ERC2: variants seen among roughly 807,000 people sequenced by gnomAD.
The protein encoded by ERC2 is ELKS/RAB6-interacting/CAST family member 2, also known as ERC protein 2.
In ERC2, 42 loss-of-function variants were observed where a neutral mutation model predicts 114.8. The observed-to-expected ratio is 0.37, with a 90% CI of 0.29 to 0.47. ERC2 has a LOEUF of 0.47. ERC2 is among the 20% of genes least tolerant of loss of function. The pLI, the probability that ERC2 is intolerant of heterozygous loss-of-function variation, is 0.99. For missense variants in ERC2, 939 were observed against 1,150.7 expected (o/e 0.82, Z 2.66); for synonymous variants, 454 against 425.5 (o/e 1.07, Z -0.82).
intron 2 of ERC2, among the ~76,000 whole-genome samples, chr3:56,311,275 A>G (rs561290546): frequency 8.2e-6 from 1 of 121,718 alleles, no homozygotes; most frequent in Non-Finnish European, 1.8e-5. Flanking sequence ...ATATATATAT[A>G]TATATATATA....
intron 17 of ERC2, among the ~76,000 whole-genome samples, chr3:55,636,500 T>A (rs753221783): frequency 9.2e-5 from 14 of 152,190 alleles, no homozygotes; most frequent in Non-Finnish European, 2.1e-4. Context: ...GCACAGTGCA[T>A]AGAGCACCTT....
At chr3:56,180,121 C>T (rs552500782) in intron 3 of ERC2, among the ~76,000 whole-genome samples, 14 of 152,192 alleles carry the variant, frequency 9.2e-5, no homozygotes, top group African/African-American at 2.6e-4. Context: ...ATAATGAGAG[C>T]GTGGCCATCA....
intron 14 of ERC2, among the ~76,000 whole-genome samples, chr3:55,823,955 T>G (rs1156617193): frequency 6.6e-6 from 1 of 152,150 alleles, no homozygotes; most frequent in Non-Finnish European, 1.5e-5. Context: ...GTCGGCAGAT[T>G]CAGTTTCTCC....
chr3:56,404,222 AATTAAT>A (rs533721677), intron 2 of ERC2, among the ~76,000 whole-genome samples: 11 of 152,342 alleles, frequency 7.2e-5, no homozygotes, highest in African/African-American at 1.9e-4. Context: ...TTTGTAAATC[AATTAAT>A]ATTATTTTTA....
At chr3:56,225,265 A>G (rs562675200) in intron 3 of ERC2, among the ~76,000 whole-genome samples, 44 of 152,296 alleles carry the variant, frequency 2.9e-4, no homozygotes, top group Admixed American at 1.6e-3. Flanking sequence ...GGAAAAAAGC[A>G]TTATCTGACA....
intron 15 of ERC2, among the ~76,000 whole-genome samples, chr3:55,713,126 CTG>C (rs1353558596): frequency 0.029 from 3,260 of 110,890 alleles, 64 homozygotes; most frequent in African/African-American, 0.093. Context: ...CTCTCTCTCT[CTG>C]TCTCACACAC....
intron 17 of ERC2, among the ~76,000 whole-genome samples, chr3:55,555,919 A>G (rs1172531648): frequency 2.0e-5 from 3 of 152,210 alleles, no homozygotes; most frequent in Non-Finnish European, 4.4e-5. Context: ...CAATAATTCC[A>G]AAGTGACTGT....
chr3:56,439,160 G>T (rs902389614), intron 1 of ERC2, among the ~76,000 whole-genome samples: 5 of 152,162 alleles, frequency 3.3e-5, no homozygotes, highest in Non-Finnish European at 7.3e-5. Context: ...AACTGAATGG[G>T]CTTGGCAGGG....
intron 15 of ERC2, among the ~76,000 whole-genome samples, chr3:55,719,845 A>G (rs1441827662): frequency 2.6e-5 from 4 of 152,076 alleles, no homozygotes; most frequent in Non-Finnish European, 5.9e-5. Context: ...CAGACCCCCC[A>G]GAAGCCTAGA....
chr3:56,111,755 C>A (rs2078975805), intron 6 of ERC2, among the ~76,000 whole-genome samples: 1 of 152,212 alleles, frequency 6.6e-6, no homozygotes, highest in South Asian at 2.1e-4. Flanking sequence ...CACAGCTCCA[C>A]AAGAAAAGCC....
intron 3 of ERC2, among the ~76,000 whole-genome samples, chr3:56,197,510 A>C (rs930558113): frequency 6.6e-6 from 1 of 152,208 alleles, no homozygotes; most frequent in Non-Finnish European, 1.5e-5. Context: ...TATCCAGGAA[A>C]TATAGTCCAG....
chr3:56,307,383 G>A (rs1221990947), intron 2 of ERC2, among the ~76,000 whole-genome samples: 1 of 152,088 alleles, frequency 6.6e-6, no homozygotes, highest in Non-Finnish European at 1.5e-5. Flanking sequence ...AGGGAGGAAA[G>A]TATGGGTTTT....
At chr3:55,623,693 G>A (rs545757074) in intron 17 of ERC2, among the ~76,000 whole-genome samples, 53 of 152,162 alleles carry the variant, frequency 3.5e-4, no homozygotes, top group Non-Finnish European at 5.7e-4. Context: ...CCCCTGCTCT[G>A]TTTAAAATAG....
At chr3:55,700,517 A>G (rs1329434960) in intron 15 of ERC2, among the ~76,000 whole-genome samples, 1 of 152,200 alleles carries the variant, frequency 6.6e-6, no homozygotes, top group Non-Finnish European at 1.5e-5. Flanking sequence ...GATACGATGG[A>G]CTTCAAGTGT....
intron 8 of ERC2, among the ~76,000 whole-genome samples, chr3:56,011,472 A>T (rs919779800): frequency 3.9e-5 from 6 of 152,228 alleles, no homozygotes; most frequent in Non-Finnish European, 7.4e-5. Context: ...CCATGAGACC[A>T]CACTGCCACA....
At chr3:56,326,059 C>T (rs1049374729) in intron 2 of ERC2, among the ~76,000 whole-genome samples, 13 of 152,206 alleles carry the variant, frequency 8.5e-5, no homozygotes, top group African/African-American at 2.4e-4. Flanking sequence ...CTTCTTCTAG[C>T]GGCTAAATGA....
chr3:55,593,671 G>A (rs2058006725), intron 17 of ERC2, among the ~76,000 whole-genome samples: 1 of 152,080 alleles, frequency 6.6e-6, no homozygotes, highest in Non-Finnish European at 1.5e-5. Flanking sequence ...TGGTGGTGGG[G>A]CAGGTACTTT....
intron 2 of ERC2, among the ~76,000 whole-genome samples, chr3:56,337,898 T>A (rs2057922545): frequency 6.6e-6 from 1 of 152,230 alleles, no homozygotes; most frequent in African/African-American, 2.4e-5. Flanking sequence ...TGATGGTATA[T>A]TTATATGATA....
intron 7 of ERC2, among the ~76,000 whole-genome samples, chr3:56,057,538 C>T (rs2076068003): frequency 6.6e-6 from 1 of 152,158 alleles, no homozygotes; most frequent in African/African-American, 2.4e-5. Flanking sequence ...GGTTCTTTCG[C>T]CTAAGATGTA....
Sources: gnomAD v4.1 joint callset for allele counts (sites outside exome capture counted in the v4.1 genomes callset) on GRCh38, gnomAD v4.1.1 for gene constraint, MANE v1.5 for transcripts, NCBI Gene and HGNC (gene_info 2026-07-23, HGNC 2026-07-21) for gene names.